Variants in COL4A3 observed in about 807,000 individuals in gnomAD.
COL4A3 encodes collagen type IV alpha 3 chain.
A neutral mutation model predicts 217.4 loss-of-function variants in COL4A3; 135 were observed. The observed-to-expected ratio is 0.62, with a 90% confidence interval of 0.54 to 0.72. The LOEUF is 0.72. Ranked by LOEUF, COL4A3 falls within the 30% of genes least tolerant of loss-of-function variation. The pLI is 0.00. For synonymous variants in COL4A3, 690 were observed against 736.3 expected (o/e 0.94, Z 1.02); for missense variants, 1,868 against 2,119.9 (o/e 0.88, Z 2.33).
intron 3 of COL4A3, among the ~76,000 whole-genome samples, chr2:227,242,271 T>C (rs2069071512): frequency 6.6e-6 from 1 of 152,150 alleles, no homozygotes; most frequent in Admixed American, 6.6e-5. Flanking sequence ...ATGGGAACAT[T>C]TATCAGTTTA....
At chr2:227,186,417 G>A (rs1484618956) in intron 1 of COL4A3, among the ~76,000 whole-genome samples, 1 of 152,176 alleles carries the variant, frequency 6.6e-6, no homozygotes, top group Non-Finnish European at 1.5e-5. Flanking sequence ...CACAAGGCCA[G>A]TGTTGACAGT....
chr2:227,311,068 A>C, intron 51 of COL4A3, 120 bp downstream of exon 51: 1 of 1,015,136 alleles, frequency 9.9e-7, no homozygotes, highest in South Asian at 1.3e-5. Context: ...TAAAGACAAA[A>C]TATGGGTTTT....
rs1472451908 is a variant in COL4A3 at position 227,297,868 on chromosome 2, T to A, written c.3751+9T>A. On this transcript the variant is annotated intron_variant, in intron 42 of 51. Coordinates refer to ENST00000396578, the MANE Select transcript of COL4A3 (RefSeq NM_000091.5). ...CTCAAGAGGAAGCCCAGGTAAAGGG[T>A]TTACTTTTAAACAGCATAAAATAAC... is the stretch of plus-strand genomic sequence containing the variant. The A allele has an allele frequency of 6.4e-7, 1 of 1,553,474 alleles. No individual in the cohort carries two copies. Among genetic ancestry groups the A allele is most frequent in the Admixed American group, 2.0e-5 (1 of 51,134 alleles).
intron 31 of COL4A3, 128 bp downstream of exon 31, chr2:227,281,134 T>G (rs2071936909): frequency 9.6e-6 from 7 of 729,792 alleles, no homozygotes; most frequent in Non-Finnish European, 1.8e-5. Flanking sequence ...GAGAAATACT[T>G]CAGAAGTGTA....
chr2:227,246,093 G>C (rs1045311621), intron 6 of COL4A3, 77 bp downstream of exon 6: 16 of 1,129,914 alleles, frequency 1.4e-5, no homozygotes, highest in Non-Finnish European at 2.1e-5. Context: ...GGCAATGAAA[G>C]GCAGACAGGC....
rs56065709 is a variant in COL4A3 at position 227,302,677 on chromosome 2, C to CAAAAAAAAAAA, written c.3883-342_3883-332dup. On this transcript the variant is annotated intron_variant, in intron 43 of 51. Transcript: ENST00000396578. Reference sequence around the variant, plus strand: ...GGAGGACAAAACGAGACTCTTTCTCCAAAAAAAAAAAAAAAAAAAAAAAAA... The same window carrying CAAAAAAAAAAA: ...GGAGGACAAAACGAGACTCTTTCTCCAAAAAAAAAAAAAAAAAAAAAAAAAAAAAAAAAAAA... Among the ~76,000 whole-genome samples, 392 of 79,878 alleles carry CAAAAAAAAAAA rather than the reference C, an allele frequency of 4.9e-3. 78 individuals are homozygous for CAAAAAAAAAAA. Among genetic ancestry groups the CAAAAAAAAAAA allele is most frequent in the African/African-American group, 0.014 (209 of 15,320 alleles). 52.4% of individuals were successfully genotyped at this position (79,878 alleles called of 152,430 possible).
Position 227,164,833 on chromosome 2 carries a change from C to T in COL4A3, c.87+20C>T. 1.3e-6 allele frequency: 2 copies of T among 1,498,020 alleles called. No homozygotes were observed. Among genetic ancestry groups the T allele is most frequent in the Non-Finnish European group, 8.8e-7 (1 of 1,130,782 alleles). The allele number at this position is 1,498,020 out of a possible 1,614,324, so 92.8% of individuals were successfully genotyped here. On this transcript the variant is annotated intron_variant, in intron 1 of 51. Transcript: ENST00000396578. The surrounding 1 kb of genome is among the most constrained non-coding windows in gnomAD (Gnocchi z 4.8). ...AGCAAGGTGAGTGGGGGCTGCGCGA[C>T]CCCCACCCCCGCACTTCCATCCCTC...
chr2:227,208,394 T>C (rs893509654), intron 1 of COL4A3, among the ~76,000 whole-genome samples: 1 of 152,152 alleles, frequency 6.6e-6, no homozygotes, highest in South Asian at 2.1e-4. Context: ...AGATCAGTGC[T>C]TGAGACATTT....
Position 227,311,953 on chromosome 2 carries a change from C to G in COL4A3, c.*83C>G. The G allele has an allele frequency of 6.4e-7, 1 of 1,574,498 alleles. No homozygotes were observed. Among genetic ancestry groups the G allele is most frequent in the Non-Finnish European group, 8.6e-7 (1 of 1,157,218 alleles). On this transcript the variant is annotated 3_prime_UTR_variant, in exon 52 of 52. Coordinates refer to ENST00000396578, the MANE Select transcript of COL4A3 (RefSeq NM_000091.5). Reference sequence around the variant, plus strand: ...AACATGCTGTTATTTAGGTATTTTTCTTTAACCAAACAATATTGCTCCATG... The same window carrying G: ...AACATGCTGTTATTTAGGTATTTTTGTTTAACCAAACAATATTGCTCCATG...
Position 227,220,530 on chromosome 2 carries a change from G to A in COL4A3, c.88-17438G>A, listed in dbSNP as rs369084675. Among the ~76,000 whole-genome samples the A allele has an allele frequency of 3.6e-4, 55 of 151,928 alleles. No individual in the cohort carries two copies. In the South Asian group the frequency reaches 0.011, roughly 32 times the overall value. ...GCACAGGCTGGAGTGCAGTGGTGGA[G>A]CCAACTGCAGCCTCCAACTCCTGGG... On this transcript the variant is annotated intron_variant, in intron 1 of 51. Coordinates refer to ENST00000396578, the MANE Select transcript of COL4A3 (RefSeq NM_000091.5).
rs756264539 is a variant in COL4A3 at position 227,293,209 on chromosome 2, G to C, written c.3229G>C (p.Gly1077Arg). The C allele has an allele frequency of 6.2e-7, 1 of 1,613,948 alleles. No homozygotes were observed. The highest frequency in any genetic ancestry group is 2.2e-5 in the East Asian group (1 of 44,886). The change falls in exon 38 of 52, where the codon GGT becomes CGT. Residue 1077 changes from glycine (G) to arginine (R), a missense_variant. Gly to Arg is a moderately radical substitution (Grantham distance 125, BLOSUM62 -2). Coordinates refer to ENST00000396578, the MANE Select transcript of COL4A3 (RefSeq NM_000091.5). ...PGPTGDPGLP[G>R]DMGKKGEMGQ... is the part of the protein sequence containing the mutation. ...ATTTAAGGGGGATCCAGGACTGCCG[G>C]GTGATATGGGAAAGAAAGGAGAAAT... is the stretch of plus-strand genomic sequence containing the variant.
intron 1 of COL4A3, among the ~76,000 whole-genome samples, chr2:227,207,366 T>G (rs1179634524): frequency 3.3e-5 from 5 of 152,178 alleles, no homozygotes; most frequent in African/African-American, 9.7e-5. Context: ...AAATATTTAT[T>G]TCTTCTTCAC....
intron 1 of COL4A3, among the ~76,000 whole-genome samples, chr2:227,208,477 T>G (rs998440782): frequency 1.3e-5 from 2 of 151,880 alleles, no homozygotes; most frequent in Non-Finnish European, 2.9e-5. Flanking sequence ...GTTGTACCAA[T>G]GCACTCAGGA....
At chr2:227,274,277 T>A (rs916932058) in intron 26 of COL4A3, among the ~76,000 whole-genome samples, 2 of 78,602 alleles carry the variant, frequency 2.5e-5, no homozygotes, top group Non-Finnish European at 3.7e-5. Context: ...AAATAAATTT[T>A]AAAAATCACT....
At chr2:227,201,236 A>G (rs532198284) in intron 1 of COL4A3, among the ~76,000 whole-genome samples, 1 of 152,298 alleles carries the variant, frequency 6.6e-6, no homozygotes, top group Non-Finnish European at 1.5e-5. Flanking sequence ...TGTGAGAAAA[A>G]CGGTCTTATT....
At chr2:227,230,720 T>A (rs921491183) in intron 1 of COL4A3, among the ~76,000 whole-genome samples, 4 of 152,180 alleles carry the variant, frequency 2.6e-5, no homozygotes, top group African/African-American at 9.7e-5. Context: ...ATTTGCAAAT[T>A]GAAAATGTAT....
At chr2:227,229,438 G>T (rs563054874) in intron 1 of COL4A3, among the ~76,000 whole-genome samples, 1 of 152,228 alleles carries the variant, frequency 6.6e-6, no homozygotes, top group African/African-American at 2.4e-5. Flanking sequence ...TTGTTTGTTA[G>T]AGATAGATAA....
Position 227,266,486 on chromosome 2 carries a change from T to C in COL4A3, c.1385T>C (p.Ile462Thr), listed in dbSNP as rs2070899502. 1.2e-6 allele frequency: 2 copies of C among 1,613,856 alleles called. No homozygotes were observed. The highest frequency in any genetic ancestry group is 1.7e-6 in the Non-Finnish European group (2 of 1,179,942). ...GLPGYLGSPG[I>T]PGVDGPKGEP... is the part of the protein sequence containing the mutation. Reference sequence around the variant, plus strand: ...CCAGGCTATCTAGGGTCTCCAGGAATCCCAGGAGTTGATGGGCCCAAAGGT... The same window carrying C: ...CCAGGCTATCTAGGGTCTCCAGGAACCCCAGGAGTTGATGGGCCCAAAGGT... Residue 462 changes from isoleucine (I) to threonine (T), a missense_variant, in exon 22 of 52, where the codon ATC (isoleucine) becomes ACC (threonine). Physicochemically the swap from Ile to Thr is moderately conservative, Grantham distance 89. This residue lies in a region of COL4A3 where 1,503 missense variants were observed against 1,786.1 expected (regional missense o/e 0.84). Transcript: ENST00000396578.
chr2:227,297,946 T>C, intron 42 of COL4A3, 87 bp downstream of exon 42: 2 of 1,398,234 alleles, frequency 1.4e-6, no homozygotes, highest in Non-Finnish European at 2.0e-6. Context: ...TGTTACCTTG[T>C]TGCTTCTTCT....
Sources: gnomAD v4.1 joint callset for allele counts (sites outside exome capture counted in the v4.1 genomes callset) on GRCh38, gnomAD v4.1.1 for gene constraint, gnomAD v4.1.1 regional missense constraint, Gnocchi (gnomAD v3.1) non-coding constraint, MANE v1.5 for transcripts, NCBI Gene and HGNC (gene_info 2026-07-23, HGNC 2026-07-21) for gene names.